The following ATAD2B variants were observed in gnomAD, a reference collection of about 807,000 sequenced individuals.
ATAD2B encodes the protein ATPase family AAA domain containing 2B.
A neutral mutation model predicts 167.6 loss-of-function variants in ATAD2B; 40 were observed. The observed-to-expected ratio is 0.24, with a 90% CI of 0.19 to 0.31. The LOEUF is 0.31. ATAD2B is among the 10% of genes least tolerant of loss of function. The pLI, the probability that ATAD2B is intolerant of heterozygous loss-of-function variation, is 1.00. For missense variants in ATAD2B, 1,242 were observed against 1,757.2 expected (o/e 0.71, Z 5.24); for synonymous variants, 579 against 596.5 (o/e 0.97, Z 0.43).
chr2:23,821,467 CCT>C (rs1687438440), intron 16 of ATAD2B, among the ~76,000 whole-genome samples: 2 of 152,148 alleles, frequency 1.3e-5, no homozygotes, highest in East Asian at 1.9e-4. Context: ...TATTCATTCC[CCT>C]CTGTCTGCCA....
chr2:23,913,626 C>T (rs975874599), intron 1 of ATAD2B, among the ~76,000 whole-genome samples: 5 of 140,942 alleles, frequency 3.5e-5, no homozygotes, highest in African/African-American at 8.0e-5. Context: ...GGCAACAGAG[C>T]GAGACTCTCT....
chr2:23,779,473 C>A (rs1271013486), intron 22 of ATAD2B, among the ~76,000 whole-genome samples: 3 of 152,000 alleles, frequency 2.0e-5, no homozygotes, highest in Non-Finnish European at 2.9e-5. Flanking sequence ...CTGCACCCAG[C>A]CCGCTGCTGG....
chr2:23,826,362 C>T (rs1688255395), intron 15 of ATAD2B, among the ~76,000 whole-genome samples: 1 of 152,136 alleles, frequency 6.6e-6, no homozygotes, highest in African/African-American at 2.4e-5. Context: ...CTCAAAGCGT[C>T]CTTGTTTAGA....
chr2:23,875,245 T>C (rs1696651315), intron 8 of ATAD2B, among the ~76,000 whole-genome samples: 2 of 150,898 alleles, frequency 1.3e-5, no homozygotes. Flanking sequence ...CTCACGCCTG[T>C]AATCCCAACA....
chr2:23,849,471 C>T (rs1425046553), intron 13 of ATAD2B, among the ~76,000 whole-genome samples: 1 of 152,084 alleles, frequency 6.6e-6, no homozygotes, highest in African/African-American at 2.4e-5. Flanking sequence ...ACAAAGAATT[C>T]ATTATAGCTG....
downstream of ATAD2B, among the ~76,000 whole-genome samples, chr2:23,748,182 G>A (rs540033151): frequency 6.6e-6 from 1 of 152,224 alleles, no homozygotes; most frequent in African/African-American, 2.4e-5. Context: ...ATGAAAAGGT[G>A]TCTCAAGGCA....
chr2:23,785,865 G>T, intron 21 of ATAD2B, 162 bp downstream of exon 21: 1 of 553,338 alleles, frequency 1.8e-6, no homozygotes, highest in Non-Finnish European at 3.0e-6. Flanking sequence ...GTCACCAGAT[G>T]TTTGCTGATG....
At chr2:23,734,825 C>T in the ATAD2B span, among the ~76,000 whole-genome samples, 4 of 152,164 alleles carry the variant, frequency 2.6e-5, no homozygotes, top group Non-Finnish European at 5.9e-5. Context: ...CTCTATCTCC[C>T]ACAGCACCTC....
chr2:23,709,604 T>C, the ATAD2B span, among the ~76,000 whole-genome samples: 1 of 151,528 alleles, frequency 6.6e-6, no homozygotes, highest in African/African-American at 2.4e-5. Context: ...ACACCATTAA[T>C]TCACAAATCT....
chr2:23,925,087 TTGAG>T (rs1704522250), intron 1 of ATAD2B, among the ~76,000 whole-genome samples: 1 of 152,228 alleles, frequency 6.6e-6, no homozygotes, highest in African/African-American at 2.4e-5. Flanking sequence ...TTTTCTTAAA[TTGAG>T]TTTTATTTTA....
the ATAD2B span, among the ~76,000 whole-genome samples, chr2:23,687,612 T>A: frequency 6.6e-6 from 1 of 152,176 alleles, no homozygotes; most frequent in South Asian, 2.1e-4. Flanking sequence ...GCAGAGACGA[T>A]GCTTCAGAGA....
In ATAD2B at chr2:23,842,453, A is replaced by G. The variant is rs568248279; in HGVS notation, c.1569-8375T>C. Among the ~76,000 whole-genome samples the G allele has an allele frequency of 2.3e-3, 343 of 152,290 alleles. 2 individuals are homozygous for G. The highest frequency in any genetic ancestry group is 1.6e-3 in the Non-Finnish European group (110 of 68,026). On this transcript the variant is annotated intron_variant, in intron 13 of 27. Transcript: ENST00000238789. ...ATTTCTGGTGAGTAAACAGAGACAG[A>G]TGGGTTCTGGTGGGAGTTCATGGTA... is the stretch of plus-strand genomic sequence containing the variant.
In ATAD2B at chr2:23,757,690, T is replaced by C; in HGVS notation, c.3806A>G (p.Asn1269Ser). 6.2e-7 allele frequency: 1 copy of C among 1,612,898 alleles called. No homozygotes were observed. The highest frequency in any genetic ancestry group is 8.5e-7 in the Non-Finnish European group (1 of 1,179,496). The change falls in exon 25 of 28, where the codon AAT (asparagine) becomes AGT (serine). Residue 1269 changes from asparagine to serine, a missense_variant. Asn to Ser is a conservative substitution (Grantham distance 46). Around this residue, in one of 9 missense-constraint regions of ATAD2B, gnomAD observed 282 missense variants for 346.8 expected, o/e 0.81. Transcript: ENST00000238789. The stretch of plus-strand genomic sequence containing the variant: ...AAAACTGTCAGTGGAAGCCTCACCA[T>C]TTAGACAATTTCCTTTAAGGAAAGT... The part of the protein sequence containing the change: ...KETFLKGNCL[N>S]GEASTDSFEG...
intron 10 of ATAD2B, 134 bp downstream of exon 10, chr2:23,867,701 G>T: frequency 1.6e-6 from 1 of 624,882 alleles, no homozygotes; most frequent in South Asian, 2.1e-5. Context: ...GGGTTCTTAG[G>T]TTTCAAAACA....
At chr2:23,793,240 C>T (rs924462614) in intron 19 of ATAD2B, among the ~76,000 whole-genome samples, 4 of 152,104 alleles carry the variant, frequency 2.6e-5, no homozygotes, top group Non-Finnish European at 4.4e-5. Context: ...ATCAGCATAG[C>T]TGAGGAATAT....
the ATAD2B span, among the ~76,000 whole-genome samples, chr2:23,713,152 G>A: frequency 0.1 from 15,492 of 152,302 alleles, 874 homozygotes; most frequent in Middle Eastern, 0.17. Context: ...CTTTCACTAC[G>A]TGTACAGAAT....
intron 8 of ATAD2B, chr2:23,872,726 A>T: frequency 2.8e-6 from 3 of 1,083,486 alleles, no homozygotes; most frequent in Non-Finnish European, 2.8e-6. Context: ...GAGATCAGTC[A>T]GACCCCCATA....
chr2:23,818,293 G>GGGGAGA (rs1356552636), intron 17 of ATAD2B, among the ~76,000 whole-genome samples: 1 of 100,692 alleles, frequency 9.9e-6, no homozygotes, highest in Admixed American at 1.1e-4. Flanking sequence ...GAGAGGGAGG[G>GGGGAGA]GGGAGAGAGA....
At chr2:23,794,645 C>T (rs1682319266) in intron 19 of ATAD2B, among the ~76,000 whole-genome samples, 1 of 151,898 alleles carries the variant, frequency 6.6e-6, no homozygotes, top group Non-Finnish European at 1.5e-5. Flanking sequence ...TACTATTTTG[C>T]TAATATACTA....
Sources: gnomAD v4.1 joint callset for allele counts (sites outside exome capture counted in the v4.1 genomes callset) on GRCh38, gnomAD v4.1.1 for gene constraint, gnomAD v4.1.1 regional missense constraint, MANE v1.5 for transcripts, NCBI Gene and HGNC (gene_info 2026-07-23, HGNC 2026-07-21) for gene names.